Variants in LIMK1 observed in about 807,000 individuals in gnomAD.
The protein encoded by LIMK1 is LIM motif-containing protein kinase.
LIMK1 carries 21 observed loss-of-function variants against 77.6 expected under a neutral mutation model. That is an observed-to-expected ratio of 0.27 (90% confidence interval 0.19 to 0.39). The LOEUF is 0.39. Among genes scored for constraint, LIMK1 ranks in the 10% least tolerant of loss-of-function variants. LIMK1 has a pLI of 1.00. For missense variants in LIMK1, 696 were observed against 901.6 expected, an observed-to-expected ratio of 0.77 and a Z score of 2.92; for synonymous variants, 358 against 370.0, an observed-to-expected ratio of 0.97 and a Z score of 0.37.
intron 2 of LIMK1, among the ~76,000 whole-genome samples, chr7:74,091,955 T>TG (rs1799245602): frequency 1.4e-5 from 1 of 69,374 alleles, no homozygotes; most frequent in Admixed American, 1.2e-4. Context: ...GCTGTACAGC[T>TG]TTTTTTTTTT....
intron 2 of LIMK1, among the ~76,000 whole-genome samples, chr7:74,089,649 G>C (rs1049421385): frequency 2.0e-5 from 3 of 152,166 alleles, no homozygotes; most frequent in Non-Finnish European, 4.4e-5. Flanking sequence ...GATGGAATTG[G>C]GGGTCATGTT....
intron 5 of LIMK1, among the ~76,000 whole-genome samples, chr7:74,100,465 C>T (rs1190033371): frequency 6.6e-6 from 1 of 152,146 alleles, no homozygotes. Flanking sequence ...CTCTGTCGCC[C>T]AGTCTGGGGT....
intron 1 of LIMK1, 31 bp downstream of exon 1, chr7:74,084,076 C>T: frequency 7.3e-7 from 1 of 1,362,882 alleles, no homozygotes; most frequent in Non-Finnish European, 9.9e-7. Flanking sequence ...GGGGCGAGGG[C>T]CTGGAGGGGG....
chr7:74,084,770 C>T (rs1799100873), intron 1 of LIMK1, among the ~76,000 whole-genome samples: 1 of 151,942 alleles, frequency 6.6e-6, no homozygotes, highest in African/African-American at 2.4e-5. Flanking sequence ...CAAGGACTCC[C>T]CCAGCCTAGG....
At chr7:74,087,751 G>T (rs549946315) in intron 2 of LIMK1, among the ~76,000 whole-genome samples, 4 of 151,868 alleles carry the variant, frequency 2.6e-5, no homozygotes, top group African/African-American at 2.4e-5. Context: ...CACCACGCCC[G>T]GCTAAGTTTT....
intron 2 of LIMK1, among the ~76,000 whole-genome samples, chr7:74,091,956 T>C (rs1199595024): frequency 1.1e-5 from 1 of 87,616 alleles, no homozygotes; most frequent in African/African-American, 7.0e-5. Context: ...CTGTACAGCT[T>C]TTTTTTTTTT....
At chr7:74,103,297 C>T (rs1799505155) in intron 5 of LIMK1, among the ~76,000 whole-genome samples, 1 of 150,034 alleles carries the variant, frequency 6.7e-6, no homozygotes, top group African/African-American at 2.5e-5. Flanking sequence ...CACTGTGTTG[C>T]CCAGGCTGGT....
intron 1 of LIMK1, 72 bp downstream of exon 1, chr7:74,084,117 G>T (rs1799084080): frequency 2.4e-6 from 2 of 842,374 alleles, no homozygotes; most frequent in Non-Finnish European, 3.5e-6. Context: ...ACGGGAGGGG[G>T]CCGGGTCTGC....
chr7:74,100,161 G>T (rs1274624062), intron 5 of LIMK1, among the ~76,000 whole-genome samples: 1 of 152,010 alleles, frequency 6.6e-6, no homozygotes, highest in African/African-American at 2.4e-5. Flanking sequence ...GATCTCTTGA[G>T]CCCAGGAAGT....
intron 13 of LIMK1, among the ~76,000 whole-genome samples, chr7:74,118,388 A>T (rs1043451076): frequency 1.1e-4 from 13 of 121,944 alleles, no homozygotes; most frequent in South Asian, 7.7e-4. Context: ...ACACACACAC[A>T]CACACACACA....
At chr7:74,086,510 C>A (rs1421927931) in intron 2 of LIMK1, among the ~76,000 whole-genome samples, 1 of 152,130 alleles carries the variant, frequency 6.6e-6, no homozygotes, top group Admixed American at 6.6e-5. Context: ...TAGGTATACA[C>A]CACAATGCTC....
chr7:74,104,820 G>A (rs1172202980), intron 5 of LIMK1, among the ~76,000 whole-genome samples: 2 of 152,130 alleles, frequency 1.3e-5, no homozygotes, highest in Non-Finnish European at 2.9e-5. Context: ...AGGAGCAATA[G>A]AGCTTGGCCT....
chr7:74,119,996 G>A (rs1469693105), intron 13 of LIMK1, among the ~76,000 whole-genome samples: 1 of 152,154 alleles, frequency 6.6e-6, no homozygotes, highest in African/African-American at 2.4e-5. Flanking sequence ...CCTCCAGGGC[G>A]ATCTAGGGGA....
rs782406526 is a variant in LIMK1 at position 74,097,145 on chromosome 7, T to C, written c.357T>C (p.Gly119=). The change falls in exon 4 of 16, where the codon GGT becomes GGC. Residue 119 remains glycine (G), a synonymous_variant. Transcript: ENST00000336180. ...FICLTCGTFI[G]DGDTYTLVEH... is the part of the protein sequence containing the mutation. ...GCCTCACGTGTGGGACCTTTATCGGTGACGGGGACACCTACACGCTGGTGG... is the reference window on the plus strand; with the variant it reads ...GCCTCACGTGTGGGACCTTTATCGGCGACGGGGACACCTACACGCTGGTGG... 2.5e-6 allele frequency: 4 copies of C among 1,613,408 alleles called. No individual in the cohort carries two copies. The East Asian group carries it at 8.9e-5, about 36-fold the overall frequency.
At chr7:74,084,612 C>T (rs1243287083) in intron 1 of LIMK1, among the ~76,000 whole-genome samples, 3 of 152,146 alleles carry the variant, frequency 2.0e-5, no homozygotes, top group Admixed American at 6.5e-5. Context: ...CCGTGTACTG[C>T]GGGAGCCTCA....
intron 2 of LIMK1, chr7:74,093,031 A>T (rs1799266966): frequency 9.4e-7 from 1 of 1,058,646 alleles, no homozygotes; most frequent in African/African-American, 1.6e-5. Context: ...CCCGCACCAA[A>T]GCCCAGGCAA....
In LIMK1 at chr7:74,115,789, T is replaced by G; in HGVS notation, c.1411-13T>G. On this transcript the variant is annotated splice_polypyrimidine_tract_variant and intron_variant, in intron 12 of 15. Coordinates refer to ENST00000336180, the MANE Select transcript of LIMK1 (RefSeq NM_002314.4). ...GGATCGGGTCCCAGCATGACCCGGC[T>G]TCACCTTCCCAGAACAAGAATGTGG... is the stretch of plus-strand genomic sequence containing the variant. The G allele has an allele frequency of 1.2e-6, 2 of 1,613,186 alleles. No individual in the cohort carries two copies. Among genetic ancestry groups the G allele is most frequent in the Non-Finnish European group, 1.7e-6 (2 of 1,179,438 alleles).
At chr7:74,093,463 G>A (rs946832310) in intron 2 of LIMK1, among the ~76,000 whole-genome samples, 3 of 152,204 alleles carry the variant, frequency 2.0e-5, no homozygotes, top group African/African-American at 7.2e-5. Context: ...TGCCAAAGCT[G>A]TGGGTCCTTC....
intron 2 of LIMK1, among the ~76,000 whole-genome samples, chr7:74,089,345 C>CA (rs1554694462): frequency 6.6e-6 from 1 of 151,938 alleles, no homozygotes; most frequent in Admixed American, 6.6e-5. Flanking sequence ...CTTGTCTCTA[C>CA]AAAAAAATTA....
Sources: gnomAD v4.1 joint callset for allele counts (sites outside exome capture counted in the v4.1 genomes callset) on GRCh38, gnomAD v4.1.1 for gene constraint, MANE v1.5 for transcripts, NCBI Gene and HGNC (gene_info 2026-07-23, HGNC 2026-07-21) for gene names.